The following CSMD1 variants were observed in gnomAD, a reference collection of about 807,000 sequenced individuals.
The protein encoded by CSMD1 is CUB and Sushi multiple domains 1.
CSMD1 carries 213 observed loss-of-function variants against 417.5 expected under a neutral mutation model. The ratio of observed to expected loss-of-function variants is 0.51; its 90% CI spans 0.46 to 0.57. CSMD1 has a LOEUF of 0.57. Ranked by LOEUF, CSMD1 falls within the 20% of genes least tolerant of loss-of-function variation. The pLI is 0.00. For missense variants in CSMD1, 6,923 were observed against 4,529.7 expected (o/e 1.53, Z -15.17); for synonymous variants, 2,862 against 1,736.8 (o/e 1.65, Z -16.11).
At chr8:4,872,590 T>C (rs1802799537) in intron 1 of CSMD1, among the ~76,000 whole-genome samples, 1 of 152,074 alleles carries the variant, frequency 6.6e-6, no homozygotes, top group Non-Finnish European at 1.5e-5. Context: ...AACACTTTCC[T>C]TTATAAATTA....
intron 2 of CSMD1, among the ~76,000 whole-genome samples, chr8:4,501,985 A>C (rs1006759191): frequency 3.3e-5 from 5 of 152,154 alleles, no homozygotes; most frequent in African/African-American, 1.2e-4. Context: ...ATGCATTTTA[A>C]TAATGGGCAT....
intron 3 of CSMD1, among the ~76,000 whole-genome samples, chr8:4,356,118 C>G (rs1030852945): frequency 2.6e-5 from 4 of 152,142 alleles, no homozygotes; most frequent in African/African-American, 9.7e-5. Context: ...CCTAGTCTTC[C>G]CCTCAAGTTC....
intron 3 of CSMD1, among the ~76,000 whole-genome samples, chr8:4,193,769 G>A (rs1799173926): frequency 6.6e-6 from 1 of 152,096 alleles, no homozygotes; most frequent in East Asian, 1.9e-4. Flanking sequence ...GGCAAGTTAT[G>A]GAATCGGACA....
At chr8:3,253,470 A>G (rs1293929473) in intron 26 of CSMD1, among the ~76,000 whole-genome samples, 1 of 152,146 alleles carries the variant, frequency 6.6e-6, no homozygotes, top group Non-Finnish European at 1.5e-5. Context: ...ATTTTGGACT[A>G]GGTGTGGTGT....
intron 5 of CSMD1, among the ~76,000 whole-genome samples, chr8:3,760,447 T>C (rs776047760): frequency 1.9e-4 from 29 of 152,200 alleles, no homozygotes; most frequent in South Asian, 8.3e-4. Flanking sequence ...GTCTGTTTCA[T>C]TTTCTCCAAA....
intron 5 of CSMD1, among the ~76,000 whole-genome samples, chr8:3,781,085 T>G (rs984443813): frequency 6.6e-6 from 1 of 152,202 alleles, no homozygotes; most frequent in East Asian, 1.9e-4. Flanking sequence ...GTTATGATCA[T>G]GGCACTGCAA....
chr8:4,923,445 T>C (rs553485227), intron 1 of CSMD1, among the ~76,000 whole-genome samples: 2 of 152,334 alleles, frequency 1.3e-5, no homozygotes, highest in African/African-American at 4.8e-5. Flanking sequence ...TTCTCCATGG[T>C]GTGCTTATTT....
intron 1 of CSMD1, among the ~76,000 whole-genome samples, chr8:4,723,707 G>C (rs1809216669): frequency 6.7e-6 from 1 of 149,550 alleles, no homozygotes; most frequent in Non-Finnish European, 1.5e-5. Context: ...AAAATGTCCA[G>C]GTATACATAA....
At chr8:3,004,708 GA>G (rs1249991885) in intron 52 of CSMD1, among the ~76,000 whole-genome samples, 2 of 152,180 alleles carry the variant, frequency 1.3e-5, no homozygotes, top group Admixed American at 6.5e-5. Context: ...TCCATGCTGA[GA>G]ACAGGTATGA....
chr8:3,040,224 C>T (rs953303873), intron 50 of CSMD1, among the ~76,000 whole-genome samples: 13 of 151,914 alleles, frequency 8.6e-5, no homozygotes, highest in African/African-American at 2.9e-4. Flanking sequence ...CTAATATCAC[C>T]ACCAAAATGT....
At chr8:4,426,671 A>T (rs938414155) in intron 2 of CSMD1, among the ~76,000 whole-genome samples, 3 of 147,104 alleles carry the variant, frequency 2.0e-5, no homozygotes, top group African/African-American at 7.4e-5. Flanking sequence ...GTAATATTTT[A>T]TTATATAATA....
At chr8:4,826,789 G>A (rs929675431) in intron 1 of CSMD1, among the ~76,000 whole-genome samples, 1 of 152,154 alleles carries the variant, frequency 6.6e-6, no homozygotes, top group African/African-American at 2.4e-5. Flanking sequence ...CTATATGGAA[G>A]TACAGGCTTA....
In CSMD1 at chr8:4,003,508, G is replaced by T. The variant is rs1170799027; in HGVS notation, c.611-5398C>A. Among the ~76,000 whole-genome samples, 3 of 152,082 alleles carry T rather than the reference G, an allele frequency of 2.0e-5. No homozygotes were observed. The East Asian group carries it at 5.8e-4, about 29-fold the overall frequency. On this transcript the variant is annotated intron_variant, in intron 4 of 69. Coordinates refer to ENST00000635120, the MANE Select transcript of CSMD1 (RefSeq NM_033225.6). ...AGATTTTAAATGGCAATTTAAATAA[G>T]AGTGAATTCTAGAACAAACCAAAAT...
In CSMD1 at chr8:4,597,035, A is replaced by G. The variant is rs376929804; in HGVS notation, c.302+40307T>C. On this transcript the variant is annotated intron_variant, in intron 2 of 69. Transcript: ENST00000635120. The stretch of plus-strand genomic sequence containing the variant: ...CCCAGCCATGTAGAACTGTAAGATC[A>G]ATTCAACCTATTTTTCTTCCCTGCC... Among the ~76,000 whole-genome samples, 10 of 152,290 alleles carry G rather than the reference A, an allele frequency of 6.6e-5. No homozygotes were observed. In the East Asian group the frequency reaches 1.3e-3, roughly 21 times the overall value.
intron 1 of CSMD1, among the ~76,000 whole-genome samples, chr8:4,811,361 C>T (rs1563461736): frequency 6.6e-6 from 1 of 151,908 alleles, no homozygotes; most frequent in Admixed American, 6.6e-5. Flanking sequence ...AGTATTGGCC[C>T]CCTGTATTTT....
intron 2 of CSMD1, among the ~76,000 whole-genome samples, chr8:4,627,511 TAAATAA>T (rs1352188944): frequency 6.6e-6 from 1 of 152,188 alleles, no homozygotes; most frequent in East Asian, 1.9e-4. Context: ...CAGAAGGTAT[TAAATAA>T]AATAACTATT....
intron 8 of CSMD1, among the ~76,000 whole-genome samples, chr8:3,589,658 G>T (rs1301046464): frequency 6.6e-6 from 1 of 151,956 alleles, no homozygotes; most frequent in African/African-American, 2.4e-5. Context: ...TCACTTAGGA[G>T]AAATAAGCTC....
chr8:4,667,287 T>G (rs150364143), intron 1 of CSMD1, among the ~76,000 whole-genome samples: 1 of 152,124 alleles, frequency 6.6e-6, no homozygotes. Flanking sequence ...CAGAGTGTGT[T>G]AGTGATCCAA....
intron 3 of CSMD1, among the ~76,000 whole-genome samples, chr8:4,082,716 A>C (rs1272749316): frequency 1.3e-5 from 2 of 149,754 alleles, no homozygotes; most frequent in Admixed American, 6.6e-5. Flanking sequence ...TGCACCCATT[A>C]ACTCGTCATT....
Sources: gnomAD v4.1 joint callset for allele counts (sites outside exome capture counted in the v4.1 genomes callset) on GRCh38, gnomAD v4.1.1 for gene constraint, MANE v1.5 for transcripts, NCBI Gene and HGNC (gene_info 2026-07-23, HGNC 2026-07-21) for gene names.